GARIN2: variants seen among roughly 807,000 people sequenced by gnomAD.
GARIN2 encodes the protein golgi associated RAB2 interactor family member 2, also known as Golgi-associated RAB2 interactor protein 2.
At chr14:67,224,205 A>G in the GARIN2 span, among the ~76,000 whole-genome samples, 1 of 152,048 alleles carries the variant, frequency 6.6e-6, no homozygotes, top group South Asian at 2.1e-4. Context: ...TTATGCATGA[A>G]ATAGGGTCCA....
At chr14:67,228,071 G>A in the GARIN2 span, among the ~76,000 whole-genome samples, 2 of 151,722 alleles carry the variant, frequency 1.3e-5, no homozygotes, top group Admixed American at 6.6e-5. Flanking sequence ...TCAGGAGGCT[G>A]AGGCATGAAA....
chr14:67,222,565 C>T, the GARIN2 span, among the ~76,000 whole-genome samples: 1 of 152,242 alleles, frequency 6.6e-6, no homozygotes, highest in East Asian at 1.9e-4. Flanking sequence ...AGTGAGCCAC[C>T]ACCCTGGACC....
the GARIN2 span, chr14:67,196,848 C>T: frequency 1.3e-5 from 2 of 152,250 alleles, no homozygotes; most frequent in African/African-American, 2.4e-5. Context: ...AGAACTCTAA[C>T]TCTTTCTGAG....
the GARIN2 span, among the ~76,000 whole-genome samples, chr14:67,193,897 A>T: frequency 1.4e-5 from 2 of 146,266 alleles, no homozygotes; most frequent in African/African-American, 5.1e-5. Flanking sequence ...GTGAGCAATG[A>T]TCACACCACT....
the GARIN2 span, among the ~76,000 whole-genome samples, chr14:67,219,309 C>A: frequency 6.6e-6 from 1 of 152,198 alleles, no homozygotes; most frequent in Admixed American, 6.5e-5. Flanking sequence ...TCTCCTGACT[C>A]TGGGCAGATC....
the GARIN2 span, among the ~76,000 whole-genome samples, chr14:67,193,138 A>G: frequency 4.9e-5 from 7 of 143,992 alleles, no homozygotes; most frequent in Non-Finnish European, 9.1e-5. Flanking sequence ...CTCTATATAG[A>G]CATCTATCTA....
At chr14:67,212,806 G>A in the GARIN2 span, among the ~76,000 whole-genome samples, 1 of 151,664 alleles carries the variant, frequency 6.6e-6, no homozygotes, top group Non-Finnish European at 1.5e-5. Context: ...GTGATCCTTA[G>A]GAGAGCCACA....
the GARIN2 span, among the ~76,000 whole-genome samples, chr14:67,225,926 A>AGTGTGTGTGTGTGTGTGTGTGTGTGT: frequency 2.9e-5 from 4 of 136,630 alleles, no homozygotes; most frequent in Non-Finnish European, 6.3e-5. Flanking sequence ...TAATGCTGTG[A>AGTGTGTGTGTGTGTGTGTGTGTGTGT]GTGTGTGTGT....
the GARIN2 span, chr14:67,208,065 C>T: frequency 7.6e-7 from 1 of 1,307,760 alleles, no homozygotes; most frequent in Non-Finnish European, 1.0e-6. Flanking sequence ...TTCTAAGCCT[C>T]ACTCCCTCCT....
the GARIN2 span, among the ~76,000 whole-genome samples, chr14:67,213,285 G>C: frequency 2.0e-5 from 3 of 148,688 alleles, no homozygotes; most frequent in Non-Finnish European, 4.5e-5. Context: ...TTTAGCATTA[G>C]GTATATCTCC....
At chr14:67,200,104 A>C in the GARIN2 span, 1 of 1,034,008 alleles carries the variant, frequency 9.7e-7, no homozygotes, top group East Asian at 2.4e-5. Context: ...ACCTCCTCCA[A>C]TGGGCATGCC....
chr14:67,198,286 T>A, the GARIN2 span: 1 of 1,613,880 alleles, frequency 6.2e-7, no homozygotes, highest in Non-Finnish European at 8.5e-7. Flanking sequence ...GCCCCTTTTG[T>A]ATCTCCTCCC....
At chr14:67,196,366 G>A in the GARIN2 span, among the ~76,000 whole-genome samples, 1 of 151,896 alleles carries the variant, frequency 6.6e-6, no homozygotes, top group African/African-American at 2.4e-5. Context: ...ACAGGCACCT[G>A]TCACCATGCC....
chr14:67,205,180 C>T, the GARIN2 span: 2 of 1,300,764 alleles, frequency 1.5e-6, no homozygotes, highest in Non-Finnish European at 1.0e-6. Context: ...CATTGATTAT[C>T]AAAATGCTAT....
At chr14:67,203,387 G>T in the GARIN2 span, 1 of 1,046,094 alleles carries the variant, frequency 9.6e-7, no homozygotes, top group Non-Finnish European at 1.4e-6. Context: ...AATTGCGCCA[G>T]TGGAGCATGT....
At chr14:67,191,010 G>C in the GARIN2 span, among the ~76,000 whole-genome samples, 1 of 152,204 alleles carries the variant, frequency 6.6e-6, no homozygotes, top group African/African-American at 2.4e-5. Flanking sequence ...GAGGCAGGTG[G>C]ATCACCTGAG....
chr14:67,200,863 T>A, the GARIN2 span, among the ~76,000 whole-genome samples: 1 of 152,224 alleles, frequency 6.6e-6, no homozygotes, highest in Non-Finnish European at 1.5e-5. Context: ...TTGGGGGTAG[T>A]TAGCAGTCTA....
chr14:67,212,468 G>A, the GARIN2 span, among the ~76,000 whole-genome samples: 2 of 151,238 alleles, frequency 1.3e-5, no homozygotes, highest in Non-Finnish European at 2.9e-5. Context: ...GCATGTGCCT[G>A]TAGTCCCAGT....
chr14:67,195,712 G>GTT, the GARIN2 span, among the ~76,000 whole-genome samples: 1 of 101,748 alleles, frequency 9.8e-6, no homozygotes, highest in South Asian at 3.6e-4. Context: ...TTTCTTTTTG[G>GTT]TTGTGTGTGT....
Sources: gnomAD v4.1 joint callset for allele counts (sites outside exome capture counted in the v4.1 genomes callset) on GRCh38, gnomAD v4.1.1 for gene constraint, MANE v1.5 for transcripts, NCBI Gene and HGNC (gene_info 2026-07-23, HGNC 2026-07-21) for gene names.